Variants in MSI2 observed in about 807,000 individuals in gnomAD.
The protein encoded by MSI2 is RNA-binding protein Musashi homolog 2.
In MSI2, 17 loss-of-function variants were observed where a neutral mutation model predicts 45.6. The ratio of observed to expected loss-of-function variants is 0.37; its 90% CI spans 0.26 to 0.56. MSI2 has a LOEUF of 0.56. MSI2 is among the 20% of genes least tolerant of loss of function. The pLI is 0.77. For missense variants in MSI2, 293 were observed against 444.2 expected, an observed-to-expected ratio of 0.66 and a Z score of 3.06; for synonymous variants, 156 against 158.2, an observed-to-expected ratio of 0.99 and a Z score of 0.11.
At chr17:57,607,983 C>T (rs182721582) in intron 8 of MSI2, among the ~76,000 whole-genome samples, 2 of 152,314 alleles carry the variant, frequency 1.3e-5, no homozygotes, top group African/African-American at 4.8e-5. Context: ...CACCAGGCCC[C>T]ACCTCCAACA....
intron 5 of MSI2, among the ~76,000 whole-genome samples, chr17:57,398,393 T>G (rs947257752): frequency 1.3e-5 from 2 of 152,238 alleles, no homozygotes; most frequent in African/African-American, 4.8e-5. Flanking sequence ...TACAGACATT[T>G]AATTACTTGG....
At chr17:57,435,245 T>C (rs925261288) in intron 6 of MSI2, among the ~76,000 whole-genome samples, 5 of 152,166 alleles carry the variant, frequency 3.3e-5, no homozygotes, top group Admixed American at 1.3e-4. Context: ...TGTGCAGATA[T>C]GGGAGGTAGT....
At chr17:57,437,104 G>A (rs2084704321) in intron 6 of MSI2, among the ~76,000 whole-genome samples, 1 of 152,198 alleles carries the variant, frequency 6.6e-6, no homozygotes, top group Non-Finnish European at 1.5e-5. Flanking sequence ...GATGAGGAGG[G>A]AATTTCAGGA....
At chr17:57,456,550 G>A (rs567245702) in intron 6 of MSI2, among the ~76,000 whole-genome samples, 2 of 151,854 alleles carry the variant, frequency 1.3e-5, no homozygotes, top group African/African-American at 2.4e-5. Context: ...AGCTGAGATC[G>A]CACCACTGCA....
intron 5 of MSI2, among the ~76,000 whole-genome samples, chr17:57,301,224 T>A (rs180866237): frequency 6.6e-6 from 1 of 152,146 alleles, no homozygotes; most frequent in Non-Finnish European, 1.5e-5. Context: ...TGATTTTGTG[T>A]CTCCTTGATA....
At position 57,612,240 on chromosome 17, in the gene MSI2, C is replaced by T. The variant is rs1422502417; in HGVS notation, c.538-3730C>T. On this transcript the variant is annotated intron_variant, in intron 8 of 13. Transcript: ENST00000284073. Reference sequence around the variant, plus strand: ...TCTTAGGAGAACAAGACAGTCAGAGCCTCTTCTTTTTCAATACAATGAGAG... The same window carrying T: ...TCTTAGGAGAACAAGACAGTCAGAGTCTCTTCTTTTTCAATACAATGAGAG... Among the ~76,000 whole-genome samples, 2 of 95,174 alleles carry T rather than the reference C, an allele frequency of 2.1e-5. 1 individual carries two copies. Among genetic ancestry groups the T allele is most frequent in the African/African-American group, 6.5e-5 (2 of 30,540 alleles). 62.4% of individuals were successfully genotyped at this position (95,174 alleles called of 152,430 possible). A position where few individuals can be genotyped will look rare whatever the true frequency, so the allele number is the denominator to read the frequency against.
At chr17:57,306,126 G>T (rs1408379652) in intron 5 of MSI2, among the ~76,000 whole-genome samples, 1 of 151,962 alleles carries the variant, frequency 6.6e-6, no homozygotes, top group Non-Finnish European at 1.5e-5. Context: ...TGCTCTGGGG[G>T]TTGGGGAAGC....
chr17:57,347,871 C>T (rs1029963544), intron 5 of MSI2, among the ~76,000 whole-genome samples: 1 of 152,216 alleles, frequency 6.6e-6, no homozygotes, highest in Non-Finnish European at 1.5e-5. Context: ...TTCTTCTGTT[C>T]ACTGAACCAA....
intron 6 of MSI2, among the ~76,000 whole-genome samples, chr17:57,413,182 C>T (rs749733269): frequency 7.2e-5 from 11 of 152,228 alleles, no homozygotes; most frequent in Non-Finnish European, 1.5e-4. Context: ...CTCTCTCTCT[C>T]TCTGTCTGTC....
chr17:57,513,924 G>A (rs2086412642), intron 6 of MSI2, among the ~76,000 whole-genome samples: 1 of 152,196 alleles, frequency 6.6e-6, no homozygotes, highest in Non-Finnish European at 1.5e-5. Context: ...AAAAAGAAAT[G>A]TAAATGAATT....
chr17:57,647,862 G>C (rs1176296209), intron 10 of MSI2, among the ~76,000 whole-genome samples: 2 of 151,812 alleles, frequency 1.3e-5, no homozygotes, highest in African/African-American at 4.8e-5. Context: ...GGCTGGTCTT[G>C]AACTCCCGAC....
In MSI2 at chr17:57,650,100, G is replaced by GT. The variant is rs906699163; in HGVS notation, c.728-1989dup. Among the ~76,000 whole-genome samples, 872 of 150,622 alleles carry GT rather than the reference G, an allele frequency of 5.8e-3. 12 individuals carry two copies. Among genetic ancestry groups the GT allele is most frequent in the African/African-American group, 0.02 (830 of 41,130 alleles). On this transcript the variant is annotated intron_variant, in intron 10 of 13. Transcript: ENST00000284073. ...ATAATGGATTTCCTTTCTTGGATAAGTTTTTTTTTTCTTCCTCTTTCAGAC... is the reference window on the plus strand; with the variant it reads ...ATAATGGATTTCCTTTCTTGGATAAGTTTTTTTTTTTCTTCCTCTTTCAGAC...
At chr17:57,257,201 T>G in intron 2 of MSI2, 63 bp downstream of exon 2, 1 of 913,034 alleles carries the variant, frequency 1.1e-6, no homozygotes. Flanking sequence ...TGCTCTTTGT[T>G]ATCCCGGTGT....
chr17:57,631,866 A>G, intron 10 of MSI2: 1 of 1,610,104 alleles, frequency 6.2e-7, no homozygotes, highest in Non-Finnish European at 8.5e-7. Context: ...GGGGGTTGCT[A>G]CCATTTCTAG....
At chr17:57,453,810 G>GA (rs1446460409) in intron 6 of MSI2, among the ~76,000 whole-genome samples, 6 of 152,200 alleles carry the variant, frequency 3.9e-5, no homozygotes, top group African/African-American at 1.4e-4. Flanking sequence ...CCATCCTCAG[G>GA]ATAGGTACTG....
At chr17:57,632,083 T>C in intron 10 of MSI2, 3 of 1,282,624 alleles carry the variant, frequency 2.3e-6, no homozygotes, top group African/African-American at 3.0e-5. Context: ...CCGACCCCAC[T>C]TCCTCAGAAT....
At chr17:57,313,404 C>T (rs1370444002) in intron 5 of MSI2, among the ~76,000 whole-genome samples, 3 of 152,208 alleles carry the variant, frequency 2.0e-5, no homozygotes, top group Middle Eastern at 3.2e-3. Context: ...ATTACTTTCC[C>T]TTCCTGGTTT....
chr17:57,295,397 G>A (rs1355563977), intron 5 of MSI2, among the ~76,000 whole-genome samples: 11 of 152,068 alleles, frequency 7.2e-5, no homozygotes, highest in African/African-American at 2.4e-4. Flanking sequence ...TATCAAAGAT[G>A]GGTTGTGTCA....
intron 10 of MSI2, among the ~76,000 whole-genome samples, chr17:57,648,459 G>A (rs115114631): frequency 6.6e-6 from 1 of 152,308 alleles, no homozygotes; most frequent in African/African-American, 2.4e-5. Flanking sequence ...GCTAGTAAGC[G>A]GCTGAGCCAG....
Sources: gnomAD v4.1 joint callset for allele counts (sites outside exome capture counted in the v4.1 genomes callset) on GRCh38, gnomAD v4.1.1 for gene constraint, MANE v1.5 for transcripts, NCBI Gene and HGNC (gene_info 2026-07-23, HGNC 2026-07-21) for gene names.